The following KCNN2 variants were observed in gnomAD, a reference collection of about 807,000 sequenced individuals.
The protein encoded by KCNN2 is small conductance calcium-activated potassium channel protein 2.
Under a neutral mutation model 55.5 loss-of-function variants are expected in KCNN2, and 24 were observed. The observed-to-expected ratio is 0.43, with a 90% CI of 0.31 to 0.61. The LOEUF (loss-of-function observed/expected upper bound fraction) is 0.61. KCNN2 is among the 20% of genes least tolerant of loss of function. The pLI is 0.08. For missense variants in KCNN2, 754 were observed against 853.6 expected (o/e 0.88, Z 1.45); for synonymous variants, 431 against 336.1 (o/e 1.28, Z -3.09).
At chr5:114,412,956 A>G (rs1394243653) in intron 3 of KCNN2, among the ~76,000 whole-genome samples, 2 of 152,224 alleles carry the variant, frequency 1.3e-5, no homozygotes, top group South Asian at 2.1e-4. Context: ...TATTTCATCA[A>G]TGGATTTGTA....
chr5:114,362,830 G>A lies in KCNN2; in HGVS notation c.691G>A (p.Ala231Thr), dbSNP rs781368451. 2.2e-5 allele frequency: 35 copies of A among 1,599,402 alleles called. No individual in the cohort carries two copies. The highest frequency in any genetic ancestry group is 2.9e-5 in the Non-Finnish European group (34 of 1,178,318). ...CATGCGGCCGCTCAGCAACTTGAGC[G>A]CGTCCCGCCGGAACCTGCACGAGAT... ...GVMRPLSNLSASRRNLHEMDS... is the reference protein window; with the variant it reads ...GVMRPLSNLSTSRRNLHEMDS... The change falls in exon 1 of 8, where the codon GCG (alanine) becomes ACG (threonine). Residue 231 changes from alanine (A) to threonine (T), a missense_variant. Coordinates refer to ENST00000673685, the MANE Select transcript of KCNN2 (RefSeq NM_021614.4).
At position 114,432,748 on chromosome 5, in the gene KCNN2, C is replaced by T. The variant is rs572833631; in HGVS notation, c.1637+27892C>T. On this transcript the variant is annotated intron_variant, in intron 3 of 7. Transcript: ENST00000673685. ...TGGGCCAGCTGGAGTTCCGGGTGGG[C>T]GTGGGCTTGGCAGGCCGCGCACGCC... is the stretch of plus-strand genomic sequence containing the variant. Among the ~76,000 whole-genome samples the T allele has an allele frequency of 8.5e-5, 13 of 152,272 alleles. No homozygotes were observed. In the East Asian group the frequency reaches 1.4e-3, roughly 16 times the overall value.
At position 114,362,988 on chromosome 5, in the gene KCNN2, C is replaced by A. The variant is rs141148425; in HGVS notation, c.849C>A (p.Pro283=). The A allele has an allele frequency of 2.5e-6, 4 of 1,592,210 alleles. No individual in the cohort carries two copies. Among genetic ancestry groups the A allele is most frequent in the Non-Finnish European group, 3.4e-6 (4 of 1,174,568 alleles). The part of the protein sequence containing the change: ...SSAPEIVVSK[P]EHNNSNNLAL... ...CCCCCGAGATCGTGGTGTCTAAGCC[C>A]GAGCACAACAACTCCAACAACCTGG... Residue 283 remains proline (P), a synonymous_variant, in exon 1 of 8, where the codon CCC becomes CCA. Transcript: ENST00000673685.
At chr5:114,232,570 C>T (rs917907825) in intron 2 of KCNN2, among the ~76,000 whole-genome samples, 6 of 151,050 alleles carry the variant, frequency 4.0e-5, no homozygotes, top group East Asian at 1.9e-4. Context: ...ATGAGTACTT[C>T]GCAATATATC....
chr5:114,087,389 C>T (rs1291222355), intron 1 of KCNN2, among the ~76,000 whole-genome samples: 1 of 152,062 alleles, frequency 6.6e-6, no homozygotes, highest in Non-Finnish European at 1.5e-5. Context: ...AGGTTTTCTT[C>T]TAGGATTCTT....
intron 2 of KCNN2, among the ~76,000 whole-genome samples, chr5:114,277,759 A>C (rs932008252): frequency 4.6e-5 from 7 of 152,116 alleles, no homozygotes; most frequent in Non-Finnish European, 1.0e-4. Flanking sequence ...CAAGGTTTTT[A>C]GCTGCCTTGT....
At chr5:114,291,642 A>G (rs1300380222) in intron 2 of KCNN2, among the ~76,000 whole-genome samples, 1 of 152,216 alleles carries the variant, frequency 6.6e-6, no homozygotes, top group African/African-American at 2.4e-5. Context: ...ATAGTGCTGC[A>G]ATAAACATAC....
chr5:114,123,207 G>A (rs568420752), intron 1 of KCNN2, among the ~76,000 whole-genome samples: 5 of 152,184 alleles, frequency 3.3e-5, no homozygotes, highest in Non-Finnish European at 7.4e-5. Context: ...ATTATTGACA[G>A]ATTCTTTACT....
At chr5:114,282,582 G>C (rs147198247) in intron 2 of KCNN2, among the ~76,000 whole-genome samples, 3 of 151,946 alleles carry the variant, frequency 2.0e-5, no homozygotes, top group Non-Finnish European at 4.4e-5. Context: ...CATCAACTTC[G>C]TGAGATTTAT....
At chr5:114,363,351 C>G (rs550944945) in intron 1 of KCNN2, 90 bp downstream of exon 1, 27 of 1,411,196 alleles carry the variant, frequency 1.9e-5, no homozygotes, top group Non-Finnish European at 2.4e-5. Context: ...GTGCGGATCC[C>G]TAGCCTCTCC....
intron 1 of KCNN2, among the ~76,000 whole-genome samples, chr5:114,079,519 T>C (rs1217049125): frequency 6.6e-6 from 1 of 152,166 alleles, no homozygotes; most frequent in Admixed American, 6.6e-5. Flanking sequence ...CTATGAGCCT[T>C]AGCTGTCTAT....
At chr5:114,172,029 A>G (rs9326911) in intron 1 of KCNN2, among the ~76,000 whole-genome samples, 6 of 151,722 alleles carry the variant, frequency 4.0e-5, no homozygotes, top group African/African-American at 1.2e-4. Context: ...CTCAGGAAAC[A>G]TTATTGATCC....
intron 1 of KCNN2, among the ~76,000 whole-genome samples, chr5:114,099,033 T>A (rs780094495): frequency 6.6e-6 from 1 of 152,122 alleles, no homozygotes; most frequent in African/African-American, 2.4e-5. Context: ...ATAAATGACT[T>A]GAAGCAATTT....
chr5:114,093,109 A>G (rs565854017), intron 1 of KCNN2, among the ~76,000 whole-genome samples: 11 of 152,202 alleles, frequency 7.2e-5, no homozygotes, highest in South Asian at 4.1e-4. Flanking sequence ...CCTTTTAAAC[A>G]TAAGTTCCAA....
chr5:114,360,242 C>T (rs1757377950), upstream of KCNN2, among the ~76,000 whole-genome samples: 2 of 151,842 alleles, frequency 1.3e-5, no homozygotes, highest in Non-Finnish European at 2.9e-5. Flanking sequence ...TTAAAATTAA[C>T]ATGTGTCCAA....
intron 2 of KCNN2, among the ~76,000 whole-genome samples, chr5:114,279,747 C>T (rs1299664686): frequency 6.6e-6 from 1 of 151,736 alleles, no homozygotes. Context: ...GTGAATAGTG[C>T]CGCAATAAAC....
Position 114,404,333 on chromosome 5 carries a change from G to T in KCNN2, c.1219-105G>T, listed in dbSNP as rs539096219. ...ATTTAAAAGTTATAACCTTTAGCTT[G>T]CCATGATTGCTAAAAGTCATCTGTT... On this transcript the variant is annotated intron_variant, in intron 2 of 7. Transcript: ENST00000673685. 2.0e-5 allele frequency: 17 copies of T among 840,944 alleles called. No individual in the cohort carries two copies. In the Admixed American group the frequency reaches 3.7e-4, roughly 18 times the overall value. 52.1% of individuals were successfully genotyped at this position (840,944 alleles called of 1,614,324 possible).
chr5:114,150,488 TC>T (rs1484271009), intron 1 of KCNN2, among the ~76,000 whole-genome samples: 1 of 152,032 alleles, frequency 6.6e-6, no homozygotes, highest in Non-Finnish European at 1.5e-5. Context: ...CCAAAGAAAA[TC>T]AAAACGTCGA....
At chr5:114,304,547 G>A (rs914850703) in intron 2 of KCNN2, among the ~76,000 whole-genome samples, 31 of 152,154 alleles carry the variant, frequency 2.0e-4, no homozygotes, top group Admixed American at 2.6e-4. Flanking sequence ...GCAGACTAGC[G>A]TGCTGGAAGC....
Sources: gnomAD v4.1 joint callset for allele counts (sites outside exome capture counted in the v4.1 genomes callset) on GRCh38, gnomAD v4.1.1 for gene constraint, MANE v1.5 for transcripts, NCBI Gene and HGNC (gene_info 2026-07-23, HGNC 2026-07-21) for gene names.